Variants in DGKI observed in about 807,000 individuals in gnomAD.
DGKI encodes the protein diacylglycerol kinase iota.
A neutral mutation model predicts 147.5 loss-of-function variants in DGKI; 55 were observed. That is an observed-to-expected ratio of 0.37 (90% CI 0.30 to 0.47). The LOEUF is 0.47. DGKI is among the 20% of genes least tolerant of loss of function. DGKI has a pLI of 1.00. For synonymous variants in DGKI, 469 were observed against 477.1 expected (o/e 0.98, Z 0.22); for missense variants, 1,007 against 1,323.8 (o/e 0.76, Z 3.71).
chr7:137,715,455 G>A (rs1794347414), intron 1 of DGKI, among the ~76,000 whole-genome samples: 2 of 152,140 alleles, frequency 1.3e-5, no homozygotes, highest in African/African-American at 4.8e-5. Context: ...GGAGCAGGGT[G>A]GAAAGTTATG....
At chr7:137,550,797 GCATATCTTCTTAACTATCTA>G (rs1290877467) in intron 20 of DGKI, among the ~76,000 whole-genome samples, 1 of 152,134 alleles carries the variant, frequency 6.6e-6, no homozygotes, top group Non-Finnish European at 1.5e-5. Context: ...TTTAGATTCT[GCATATCTTCTTAACTATCTA>G]CAAGTGACCC....
intron 7 of DGKI, among the ~76,000 whole-genome samples, chr7:137,622,288 T>C (rs1349747246): frequency 2.0e-5 from 3 of 152,222 alleles, no homozygotes; most frequent in East Asian, 1.9e-4. Context: ...TTCAACTAAA[T>C]GCATCTGTTC....
At chr7:137,820,564 G>C (rs1394869384) in intron 1 of DGKI, among the ~76,000 whole-genome samples, 1 of 152,138 alleles carries the variant, frequency 6.6e-6, no homozygotes, top group Non-Finnish European at 1.5e-5. Context: ...GGGGGAGATG[G>C]ATGGGCTCTC....
At chr7:137,792,131 C>T (rs1796873612) in intron 1 of DGKI, among the ~76,000 whole-genome samples, 1 of 152,136 alleles carries the variant, frequency 6.6e-6, no homozygotes, top group African/African-American at 2.4e-5. Flanking sequence ...CGACTGAGCA[C>T]CTGTGCTATG....
chr7:137,670,170 C>T (rs1367158328), intron 3 of DGKI, among the ~76,000 whole-genome samples: 4 of 152,072 alleles, frequency 2.6e-5, no homozygotes, highest in South Asian at 2.1e-4. Flanking sequence ...TAGTGTTCTC[C>T]AGAACACAAT....
At chr7:137,661,707 C>G (rs938363077) in intron 3 of DGKI, among the ~76,000 whole-genome samples, 5 of 152,202 alleles carry the variant, frequency 3.3e-5, no homozygotes, top group African/African-American at 7.2e-5. Flanking sequence ...TCCTCCTCCC[C>G]CTTCTCCTTC....
At chr7:137,821,389 CT>C (rs1019105429) in intron 1 of DGKI, among the ~76,000 whole-genome samples, 2 of 151,894 alleles carry the variant, frequency 1.3e-5, no homozygotes, top group African/African-American at 4.8e-5. Flanking sequence ...CAATTCACCC[CT>C]GGTCACAGAC....
intron 28 of DGKI, among the ~76,000 whole-genome samples, chr7:137,430,339 G>A (rs923212786): frequency 1.3e-5 from 2 of 150,178 alleles, no homozygotes; most frequent in African/African-American, 2.5e-5. Flanking sequence ...TCACTCATAG[G>A]TGGGAACTGA....
intron 1 of DGKI, among the ~76,000 whole-genome samples, chr7:137,835,711 A>T (rs1259758500): frequency 1.3e-5 from 2 of 152,190 alleles, no homozygotes; most frequent in African/African-American, 2.4e-5. Context: ...TGCAATATGG[A>T]TTTAGAATAC....
chr7:137,717,162 A>G (rs1794402771), intron 1 of DGKI, among the ~76,000 whole-genome samples: 1 of 152,364 alleles, frequency 6.6e-6, no homozygotes, highest in African/African-American at 2.4e-5. Context: ...ATAAAACTGC[A>G]TAAAGAAATG....
rs79259764 is a variant in DGKI at position 137,553,531 on chromosome 7, G to A, written c.1948-963C>T. 2.6e-3 allele frequency among the ~76,000 whole-genome samples: 385 copies of A among 150,242 alleles called. 1 individual carries two copies. Among genetic ancestry groups the A allele is most frequent in the African/African-American group, 9.4e-3 (375 of 39,994 alleles). On this transcript the variant is annotated intron_variant, in intron 19 of 32. Transcript: ENST00000614521. The stretch of plus-strand genomic sequence containing the variant: ...TCTGTCATTAAGGAGCAACACATTT[G>A]TATAACCTCTTCTGACTTAGTAAAA...
At chr7:137,487,433 G>A (rs113584627) in intron 22 of DGKI, among the ~76,000 whole-genome samples, 177 bp downstream of exon 22, 165 of 152,282 alleles carry the variant, frequency 1.1e-3, no homozygotes, top group African/African-American at 3.8e-3. Context: ...ACCATCTGAG[G>A]AGTGAACAAC....
chr7:137,780,570 A>G (rs1241143055), intron 1 of DGKI, among the ~76,000 whole-genome samples: 2 of 152,234 alleles, frequency 1.3e-5, no homozygotes, highest in African/African-American at 4.8e-5. Flanking sequence ...TTTGTCATCC[A>G]TTCAATCTAT....
chr7:137,455,565 G>C (rs1483058901), intron 27 of DGKI, among the ~76,000 whole-genome samples: 2 of 142,438 alleles, frequency 1.4e-5, no homozygotes, highest in Non-Finnish European at 3.0e-5. Context: ...ACAGAGTATT[G>C]GAGAAAACTG....
chr7:137,533,578 T>C (rs1215003769), intron 20 of DGKI, among the ~76,000 whole-genome samples: 1 of 152,052 alleles, frequency 6.6e-6, no homozygotes, highest in African/African-American at 2.4e-5. Context: ...CAAGAAAACA[T>C]ACTTGTTTTA....
intron 27 of DGKI, among the ~76,000 whole-genome samples, chr7:137,450,803 A>T (rs77397952): frequency 3.0e-3 from 454 of 151,364 alleles, no homozygotes; most frequent in African/African-American, 0.01. Context: ...ATATATATAT[A>T]TTTTACTTTG....
In DGKI at chr7:137,831,946, G is replaced by A. The variant is rs1798232023; in HGVS notation, c.401+14516C>T. ...AAAACAGAGGGGCAACAGGCCCCAT[G>A]CAAGTCTGAAATTCAACCGGGCAGT... On this transcript the variant is annotated intron_variant, in intron 1 of 32. Transcript: ENST00000614521. Among the ~76,000 whole-genome samples, 3 of 152,340 alleles carry A rather than the reference G, an allele frequency of 2.0e-5. No homozygotes were observed. The South Asian group carries it at 6.2e-4, about 32-fold the overall frequency.
intron 19 of DGKI, among the ~76,000 whole-genome samples, chr7:137,562,434 G>T: frequency 6.6e-6 from 1 of 152,150 alleles, no homozygotes; most frequent in East Asian, 1.9e-4. Flanking sequence ...TATTCAGGAG[G>T]CTGAGGCAGG....
At chr7:137,789,626 C>A (rs1203165077) in intron 1 of DGKI, among the ~76,000 whole-genome samples, 1 of 151,778 alleles carries the variant, frequency 6.6e-6, no homozygotes, top group East Asian at 1.9e-4. Flanking sequence ...GAAAAAAAAA[C>A]ACACAAAACA....
Sources: allele counts gnomAD v4.1 joint callset (sites outside exome capture counted in the v4.1 genomes callset), GRCh38; gene constraint gnomAD v4.1.1; transcripts MANE v1.5; gene names NCBI Gene and HGNC (gene_info 2026-07-23, HGNC 2026-07-21).